The following WAC variants were observed in gnomAD, a reference collection of about 807,000 sequenced individuals.
The protein encoded by WAC is WW domain containing adaptor with coiled-coil.
WAC carries 11 observed loss-of-function variants against 79.6 expected under a neutral mutation model. That is an observed-to-expected ratio of 0.14 (90% CI 0.09 to 0.23). The LOEUF (loss-of-function observed/expected upper bound fraction) is 0.23. WAC is among the 10% of genes least tolerant of loss of function. The probability of loss-of-function intolerance (pLI) is 1.00; values close to 1 mark genes in which losing one functional copy is unlikely to be tolerated. For synonymous variants in WAC, 304 were observed against 276.9 expected, an observed-to-expected ratio of 1.10 and a Z score of -0.97; for missense variants, 728 against 773.5, an observed-to-expected ratio of 0.94 and a Z score of 0.70.
intron 4 of WAC, among the ~76,000 whole-genome samples, chr10:28,584,297 C>G (rs1158456026): frequency 6.6e-6 from 1 of 152,148 alleles, no homozygotes; most frequent in Admixed American, 6.5e-5. Flanking sequence ...GAGCTCTGGA[C>G]TTCATAGCAT....
At chr10:28,557,055 A>G (rs1838036918) in intron 3 of WAC, among the ~76,000 whole-genome samples, 1 of 148,580 alleles carries the variant, frequency 6.7e-6, no homozygotes, top group South Asian at 2.1e-4. Context: ...GTTCCCTACA[A>G]ATTTTGGGAG....
At chr10:28,580,910 G>C (rs1380252835) in intron 3 of WAC, among the ~76,000 whole-genome samples, 4 of 152,146 alleles carry the variant, frequency 2.6e-5, no homozygotes, top group Non-Finnish European at 2.9e-5. Context: ...TATCATGACT[G>C]TGACTTACTA....
intron 3 of WAC, among the ~76,000 whole-genome samples, chr10:28,541,866 C>G (rs1837071111): frequency 6.6e-6 from 1 of 152,132 alleles, no homozygotes; most frequent in South Asian, 2.1e-4. Context: ...CAAGAGCCCC[C>G]TAGTGTTCCC....
At chr10:28,614,335 C>T (rs545143358) in intron 10 of WAC, among the ~76,000 whole-genome samples, 11 of 152,238 alleles carry the variant, frequency 7.2e-5, no homozygotes, top group Admixed American at 1.3e-4. Flanking sequence ...CCTCGTGATC[C>T]GCCCGCCTCG....
Position 28,617,752 on chromosome 10 carries a change from A to G in WAC, c.1842A>G (p.Val614=). The change falls in exon 13 of 14, where the codon GTA becomes GTG. Residue 614 remains valine (V), a synonymous_variant. Transcript: ENST00000354911. ...AAAATTTAAGATCTTTAGTCCGAGT[A>G]TGTGAAATTCAAGCAACTTTGCGAG... is the stretch of plus-strand genomic sequence containing the variant. The part of the protein sequence containing the change: ...ELKNLRSLVR[V]CEIQATLREQ... 2 of 1,593,168 alleles carry G rather than the reference A, an allele frequency of 1.3e-6. No individual in the cohort carries two copies. The highest frequency in any genetic ancestry group is 8.5e-7 in the Non-Finnish European group (1 of 1,174,014).
intron 3 of WAC, among the ~76,000 whole-genome samples, chr10:28,543,798 T>A (rs1837194014): frequency 6.6e-6 from 1 of 152,218 alleles, no homozygotes; most frequent in Non-Finnish European, 1.5e-5. Flanking sequence ...ATCACTAGTT[T>A]TCATAGAAAA....
intron 5 of WAC, 82 bp from the exon 6 acceptor site, chr10:28,590,638 G>A: frequency 1.8e-6 from 2 of 1,118,594 alleles, no homozygotes; most frequent in Admixed American, 5.4e-5. Flanking sequence ...CCATTTGTTA[G>A]GCATTTGGCC....
chr10:28,573,156 TG>T (rs1395324594), intron 3 of WAC, among the ~76,000 whole-genome samples: 1 of 152,126 alleles, frequency 6.6e-6, no homozygotes, highest in African/African-American at 2.4e-5. Context: ...TTAGTATTAT[TG>T]TAGAGACAGA....
In WAC at chr10:28,617,723, T is replaced by C. The variant is rs1349443536; in HGVS notation, c.1813T>C (p.Leu605=). 6.3e-7 allele frequency: 1 copy of C among 1,598,360 alleles called. No individual in the cohort carries two copies. The highest frequency in any genetic ancestry group is 1.3e-5 in the African/African-American group (1 of 74,360). ...TIHMSEICTE[L]KNLRSLVRVC... The stretch of plus-strand genomic sequence containing the variant: ...TCACATGTCCGAAATTTGTACTGAA[T>C]TAAAAAATTTAAGATCTTTAGTCCG... Residue 605 remains leucine, a synonymous_variant, in exon 13 of 14, where the codon TTA becomes CTA. Coordinates refer to ENST00000354911, the MANE Select transcript of WAC (RefSeq NM_016628.5).
intron 7 of WAC, among the ~76,000 whole-genome samples, chr10:28,606,243 G>T (rs943295469): frequency 4.6e-5 from 7 of 152,230 alleles, no homozygotes; most frequent in South Asian, 4.1e-4. Flanking sequence ...GTAGAGACGG[G>T]GTTTTGCCGT....
rs186035455 is a variant in WAC at position 28,541,368 on chromosome 10, A to G, written c.274+5611A>G. Reference sequence around the variant, plus strand: ...CAGGCACTAGATATAACTCATTGTCAATTTGATAATTACAAAACCAATTTT... The same window carrying G: ...CAGGCACTAGATATAACTCATTGTCGATTTGATAATTACAAAACCAATTTT... On this transcript the variant is annotated intron_variant, in intron 3 of 13. Coordinates refer to ENST00000354911, the MANE Select transcript of WAC (RefSeq NM_016628.5). Among the ~76,000 whole-genome samples the G allele has an allele frequency of 2.3e-3, 346 of 147,938 alleles. 2 individuals carry two copies. The highest frequency in any genetic ancestry group is 3.5e-3 in the Non-Finnish European group (236 of 67,506).
At position 28,565,456 on chromosome 10, in the gene WAC, TG is replaced by T. The variant is rs1208314076; in HGVS notation, c.275-17941del. Among the ~76,000 whole-genome samples, 4 of 152,206 alleles carry T rather than the reference TG, an allele frequency of 2.6e-5. No homozygotes were observed. The East Asian group carries it at 7.7e-4, about 29-fold the overall frequency. ...GGCTCAATCATAGCTCACTGCAGCC[TG>T]GAACTCCTGGGCTCAAGCAATCCTC... On this transcript the variant is annotated intron_variant, in intron 3 of 13. Transcript: ENST00000354911.
At chr10:28,609,105 T>G (rs1277699892) in intron 8 of WAC, among the ~76,000 whole-genome samples, 1 of 152,240 alleles carries the variant, frequency 6.6e-6, no homozygotes, top group East Asian at 1.9e-4. Context: ...AATTTTCTGT[T>G]GAAAATGATA....
intron 9 of WAC, 38 bp downstream of exon 9, chr10:28,610,859 C>A: frequency 6.6e-7 from 1 of 1,520,646 alleles, no homozygotes; most frequent in Non-Finnish European, 8.8e-7. Flanking sequence ...AGAATGGCAT[C>A]TTGATTTTGT....
intron 3 of WAC, among the ~76,000 whole-genome samples, chr10:28,577,888 G>A (rs1839327418): frequency 6.6e-6 from 1 of 152,180 alleles, no homozygotes; most frequent in Non-Finnish European, 1.5e-5. Context: ...GCCAGGCATG[G>A]TGGCTCTTGC....
intron 3 of WAC, among the ~76,000 whole-genome samples, chr10:28,568,096 T>C (rs749340503): frequency 6.6e-5 from 10 of 152,248 alleles, no homozygotes; most frequent in Admixed American, 1.3e-4. Flanking sequence ...TGTTGAGTTA[T>C]GACTTGCCTT....
chr10:28,611,827 A>G lies in WAC; in HGVS notation c.1342A>G (p.Arg448Gly). 1 of 1,614,148 alleles carries G rather than the reference A, an allele frequency of 6.2e-7. No individual in the cohort carries two copies. The highest frequency in any genetic ancestry group is 8.5e-7 in the Non-Finnish European group (1 of 1,180,020). Residue 448 changes from arginine (R) to glycine (G), a missense_variant, in exon 10 of 14, where the codon AGA (arginine) becomes GGA (glycine). Physicochemically the swap from Arg to Gly is moderately radical, Grantham distance 125. Coordinates refer to ENST00000354911, the MANE Select transcript of WAC (RefSeq NM_016628.5). ...TTTAACATCTGATGCGTCATCCCCA[A>G]GATCATATGTTTCTCCAAGAATAAG... is the stretch of plus-strand genomic sequence containing the variant. ...MSLTSDASSP[R>G]SYVSPRISTP...
chr10:28,559,135 G>GTGTGTGTGT (rs750941388), intron 3 of WAC, among the ~76,000 whole-genome samples: 19 of 64,804 alleles, frequency 2.9e-4, no homozygotes, highest in African/African-American at 1.4e-3. Flanking sequence ...CGAGAAACCT[G>GTGTGTGTGT]ATGTGTGTGT....
At chr10:28,596,540 G>A (rs1298443586) in intron 7 of WAC, among the ~76,000 whole-genome samples, 1 of 152,132 alleles carries the variant, frequency 6.6e-6, no homozygotes, top group East Asian at 1.9e-4. Context: ...TCTGAAGAGT[G>A]GAAGTTAAAC....
Sources: gnomAD v4.1 joint callset for allele counts (sites outside exome capture counted in the v4.1 genomes callset) on GRCh38, gnomAD v4.1.1 for gene constraint, MANE v1.5 for transcripts, NCBI Gene and HGNC (gene_info 2026-07-23, HGNC 2026-07-21) for gene names.